The following GRXCR1 variants were observed in gnomAD, a reference collection of about 807,000 sequenced individuals.
GRXCR1 encodes the protein glutaredoxin and cysteine rich domain containing 1.
In GRXCR1, 27 loss-of-function variants were observed where a neutral mutation model predicts 27.3. The ratio of observed to expected loss-of-function variants is 0.99; its 90% CI spans 0.73 to 1.37. The LOEUF (loss-of-function observed/expected upper bound fraction) is 1.37. GRXCR1 is among the 40% of genes most tolerant of loss of function. The probability of loss-of-function intolerance (pLI) is 0.00; values close to 1 mark genes in which losing one functional copy is unlikely to be tolerated. For synonymous variants in GRXCR1, 122 were observed against 131.1 expected, an observed-to-expected ratio of 0.93 and a Z score of 0.47; for missense variants, 379 against 354.4, an observed-to-expected ratio of 1.07 and a Z score of -0.56.
chr4:42,930,634 T>G (rs1434856444), intron 1 of GRXCR1, among the ~76,000 whole-genome samples: 1 of 151,982 alleles, frequency 6.6e-6, no homozygotes, highest in African/African-American at 2.4e-5. Context: ...TTTCTTAGAT[T>G]GGAACATAAT....
intron 2 of GRXCR1, among the ~76,000 whole-genome samples, chr4:42,972,936 T>C (rs1305340830): frequency 2.0e-5 from 3 of 152,146 alleles, no homozygotes; most frequent in South Asian, 4.1e-4. Context: ...CTTAGTAACG[T>C]CCTGCTTTGG....
At chr4:42,910,525 A>C (rs1414723317) in intron 1 of GRXCR1, among the ~76,000 whole-genome samples, 1 of 152,106 alleles carries the variant, frequency 6.6e-6, no homozygotes, top group Non-Finnish European at 1.5e-5. Flanking sequence ...TGCCCCATGG[A>C]GGAGTCAGAA....
chr4:42,922,058 G>T (rs1273803190), intron 1 of GRXCR1, among the ~76,000 whole-genome samples: 1 of 152,120 alleles, frequency 6.6e-6, no homozygotes, highest in Non-Finnish European at 1.5e-5. Context: ...ACAAATGGAG[G>T]TCTAGGTTTC....
chr4:43,027,604 A>G (rs1713297245), intron 3 of GRXCR1, among the ~76,000 whole-genome samples: 1 of 152,190 alleles, frequency 6.6e-6, no homozygotes, highest in Non-Finnish European at 1.5e-5. Flanking sequence ...AGGAGCTCAG[A>G]AAGCTGCATA....
At chr4:42,898,371 T>C (rs914377285) in intron 1 of GRXCR1, among the ~76,000 whole-genome samples, 1 of 152,002 alleles carries the variant, frequency 6.6e-6, no homozygotes, top group Non-Finnish European at 1.5e-5. Flanking sequence ...TGTCATGAGG[T>C]TGCAAGGATT....
chr4:42,932,903 G>A (rs955139407), intron 1 of GRXCR1, among the ~76,000 whole-genome samples: 1 of 151,518 alleles, frequency 6.6e-6, no homozygotes, highest in Non-Finnish European at 1.5e-5. Context: ...GAGGTGGAGA[G>A]GAAATAAGGG....
chr4:42,992,192 T>C (rs1711995079), intron 2 of GRXCR1, among the ~76,000 whole-genome samples: 1 of 152,200 alleles, frequency 6.6e-6, no homozygotes, highest in Non-Finnish European at 1.5e-5. Flanking sequence ...TCAGAAATCC[T>C]TGTGGCTGTT....
rs1748350592 is a variant in GRXCR1, at chr4:42,970,114, C to G, written c.627+6980C>G. Among the ~76,000 whole-genome samples the G allele has an allele frequency of 2.0e-5, 3 of 152,140 alleles. No homozygotes were observed. In the South Asian group the frequency reaches 6.2e-4, roughly 31 times the overall value. On this transcript the variant is annotated intron_variant, in intron 2 of 3. Coordinates refer to ENST00000399770, the MANE Select transcript of GRXCR1 (RefSeq NM_001080476.3). ...CTCCATGTCTCACATCCAGGGTATG[C>G]TAATGCAAGGGGTGGGCTCCCAATG... is the stretch of plus-strand genomic sequence containing the variant.
intron 1 of GRXCR1, among the ~76,000 whole-genome samples, chr4:42,910,850 T>C (rs781665476): frequency 1.3e-5 from 2 of 152,166 alleles, no homozygotes; most frequent in Non-Finnish European, 2.9e-5. Flanking sequence ...TGCATGCTGA[T>C]TTTGATTCTT....
chr4:42,977,293 C>T (rs549974177), intron 2 of GRXCR1, among the ~76,000 whole-genome samples: 2 of 151,922 alleles, frequency 1.3e-5, no homozygotes, highest in South Asian at 4.1e-4. Context: ...GTGTAGATAT[C>T]TCTTTGACAT....
chr4:42,895,610 A>G (rs1746329969), intron 1 of GRXCR1, among the ~76,000 whole-genome samples: 1 of 152,130 alleles, frequency 6.6e-6, no homozygotes, highest in East Asian at 1.9e-4. Context: ...ATTATTGCCC[A>G]AGGAGCTCCA....
chr4:42,987,096 C>T (rs1036996950), intron 2 of GRXCR1, among the ~76,000 whole-genome samples: 2 of 147,772 alleles, frequency 1.4e-5, no homozygotes, highest in African/African-American at 2.5e-5. Flanking sequence ...GCTAGTTGTG[C>T]TAAGTGCTAA....
At chr4:42,950,628 G>A (rs939109280) in intron 1 of GRXCR1, among the ~76,000 whole-genome samples, 1 of 152,114 alleles carries the variant, frequency 6.6e-6, no homozygotes, top group Non-Finnish European at 1.5e-5. Flanking sequence ...ATGACACTTT[G>A]GGTAGTAGTG....
intron 1 of GRXCR1, among the ~76,000 whole-genome samples, chr4:42,910,435 C>T (rs1255984116): frequency 1.3e-5 from 2 of 152,146 alleles, no homozygotes; most frequent in African/African-American, 4.8e-5. Flanking sequence ...TGGACTTTCT[C>T]TCATTTTTCT....
At chr4:42,915,091 T>C (rs888586465) in intron 1 of GRXCR1, among the ~76,000 whole-genome samples, 7 of 152,164 alleles carry the variant, frequency 4.6e-5, no homozygotes, top group African/African-American at 1.7e-4. Context: ...AATGAACTAA[T>C]ACAATTTGCT....
At chr4:42,989,090 T>G (rs1295982180) in intron 2 of GRXCR1, among the ~76,000 whole-genome samples, 2 of 152,216 alleles carry the variant, frequency 1.3e-5, no homozygotes, top group African/African-American at 4.8e-5. Context: ...GAAGAAGATA[T>G]CAGGAAACAC....
At chr4:43,014,670 C>T (rs1268034872) in intron 2 of GRXCR1, among the ~76,000 whole-genome samples, 1 of 152,176 alleles carries the variant, frequency 6.6e-6, no homozygotes, top group Non-Finnish European at 1.5e-5. Context: ...TGGCCTTTTA[C>T]TGTCACATCA....
intron 1 of GRXCR1, among the ~76,000 whole-genome samples, chr4:42,936,453 T>C (rs1458182489): frequency 2.0e-5 from 3 of 151,882 alleles, no homozygotes; most frequent in Non-Finnish European, 4.4e-5. Context: ...TTTAGAATAG[T>C]TTTTGATTTA....
At chr4:43,023,455 G>T (rs1713157506) in intron 3 of GRXCR1, among the ~76,000 whole-genome samples, 1 of 152,154 alleles carries the variant, frequency 6.6e-6, no homozygotes, top group African/African-American at 2.4e-5. Context: ...ACTGAAAATT[G>T]CTGGGGAAGC....
Sources: allele counts gnomAD v4.1 joint callset (sites outside exome capture counted in the v4.1 genomes callset), GRCh38; gene constraint gnomAD v4.1.1; transcripts MANE v1.5; gene names NCBI Gene and HGNC (gene_info 2026-07-23, HGNC 2026-07-21).